Variants in EIPR1 observed in about 807,000 individuals in gnomAD.
EIPR1 encodes EARP complex and GARP complex interacting protein 1.
Under a neutral mutation model 48.1 loss-of-function variants are expected in EIPR1, and 25 were observed. That is an observed-to-expected ratio of 0.52 (90% CI 0.38 to 0.73). The LOEUF (loss-of-function observed/expected upper bound fraction) is 0.73, where lower values mean the gene tolerates loss of function less well. Among genes scored for constraint, EIPR1 ranks in the 30% least tolerant of loss-of-function variants. The pLI is 0.00. For missense variants in EIPR1, 415 were observed against 506.2 expected (o/e 0.82, Z 1.73); for synonymous variants, 204 against 201.9 (o/e 1.01, Z -0.09).
intron 5 of EIPR1, among the ~76,000 whole-genome samples, chr2:3,198,638 A>G (rs893562221): frequency 1.3e-5 from 2 of 152,108 alleles, no homozygotes; most frequent in African/African-American, 4.8e-5. Flanking sequence ...AGAAATTTTA[A>G]AGCTGGGTGT....
intron 3 of EIPR1, among the ~76,000 whole-genome samples, chr2:3,284,058 C>T (rs1262361106): frequency 2.0e-5 from 3 of 152,238 alleles, no homozygotes; most frequent in Admixed American, 6.5e-5. Flanking sequence ...AAGACGCAGG[C>T]CAGGAAGCAG....
intron 5 of EIPR1, among the ~76,000 whole-genome samples, chr2:3,210,787 C>T (rs1247889892): frequency 3.9e-5 from 6 of 152,108 alleles, no homozygotes; most frequent in Non-Finnish European, 5.9e-5. Flanking sequence ...CGTGCCACCA[C>T]GCCTGGCTAA....
chr2:3,343,260 C>G (rs1670304151), intron 2 of EIPR1, among the ~76,000 whole-genome samples: 1 of 152,228 alleles, frequency 6.6e-6, no homozygotes. Context: ...AGTACCTCAA[C>G]TCTCTGTTCT....
intron 1 of EIPR1, among the ~76,000 whole-genome samples, chr2:3,356,741 C>G (rs574606949): frequency 2.2e-4 from 34 of 152,278 alleles, no homozygotes; most frequent in South Asian, 1.0e-3. Flanking sequence ...CTGGCTGTAG[C>G]CCCAGAGAAA....
chr2:3,250,529 G>A (rs951485576), intron 4 of EIPR1, among the ~76,000 whole-genome samples: 2 of 152,184 alleles, frequency 1.3e-5, no homozygotes, highest in African/African-American at 4.8e-5. Flanking sequence ...TAAGACCTTG[G>A]GGGACTACTG....
At chr2:3,373,996 AACCAAAACAGCATGTTACTGGT>A (rs1659786435) in intron 1 of EIPR1, among the ~76,000 whole-genome samples, 1 of 147,030 alleles carries the variant, frequency 6.8e-6, no homozygotes, top group Non-Finnish European at 1.5e-5. Context: ...AGGCTACAGT[AACCAAAACAGCATGTTACTGGT>A]ACCAAAACAG....
In EIPR1 at chr2:3,252,321, C is replaced by T. The variant is rs573827587; in HGVS notation, c.416+4978G>A. 2.0e-5 allele frequency among the ~76,000 whole-genome samples: 3 copies of T among 152,224 alleles called. No individual in the cohort carries two copies. The South Asian group carries it at 6.2e-4, about 32-fold the overall frequency. ...AAACGGCAAAACGGGCCACGTGCAA[C>T]AGCTCACACCTGTAATCTCAGCACT... On this transcript the variant is annotated intron_variant, in intron 4 of 8. Coordinates refer to ENST00000382125, the MANE Select transcript of EIPR1 (RefSeq NM_003310.5).
intron 3 of EIPR1, among the ~76,000 whole-genome samples, chr2:3,282,112 A>G (rs1263723792): frequency 6.6e-6 from 1 of 152,258 alleles, no homozygotes; most frequent in Non-Finnish European, 1.5e-5. Context: ...GAATCCCTGC[A>G]AAGATCAAAT....
chr2:3,280,838 G>A (rs1479446595), intron 3 of EIPR1, among the ~76,000 whole-genome samples: 1 of 152,162 alleles, frequency 6.6e-6, no homozygotes, highest in East Asian at 1.9e-4. Context: ...ATGAGAAGCT[G>A]CATGCCCAGG....
intron 1 of EIPR1, among the ~76,000 whole-genome samples, chr2:3,376,096 G>A (rs779478343): frequency 5.9e-5 from 9 of 151,790 alleles, no homozygotes; most frequent in Non-Finnish European, 1.0e-4. Flanking sequence ...GCAACATGGC[G>A]AAACCCCATT....
chr2:3,208,402 T>C, intron 5 of EIPR1: 2 of 1,435,234 alleles, frequency 1.4e-6, no homozygotes, highest in Non-Finnish European at 1.8e-6. Context: ...CAGCCCCAGA[T>C]CTGGCACTCA....
intron 3 of EIPR1, among the ~76,000 whole-genome samples, chr2:3,290,247 G>C (rs1668325168): frequency 6.6e-6 from 1 of 152,252 alleles, no homozygotes; most frequent in African/African-American, 2.4e-5. Context: ...GCTGCCGGGA[G>C]CAGAATAAGA....
rs539083072 is a variant in EIPR1 at position 3,271,239 on chromosome 2, C to CA, written c.260-13785dup. Among the ~76,000 whole-genome samples, 10 of 152,320 alleles carry CA rather than the reference C, an allele frequency of 6.6e-5. No homozygotes were observed. The South Asian group carries it at 1.2e-3, about 19-fold the overall frequency. On this transcript the variant is annotated intron_variant, in intron 3 of 8. Transcript: ENST00000382125. ...AAGTCTTGAACCCCTCAAAGTCATC[C>CA]ACAAGGGTTAGAGTCAACTTCCCCC...
chr2:3,261,498 ACTG>A (rs2103226496), intron 3 of EIPR1, among the ~76,000 whole-genome samples: 1 of 152,284 alleles, frequency 6.6e-6, no homozygotes, highest in Admixed American at 6.5e-5. Flanking sequence ...GCAGGTGTAC[ACTG>A]CAATGATTAC....
At chr2:3,224,900 C>T (rs1013419936) in intron 4 of EIPR1, among the ~76,000 whole-genome samples, 6 of 152,190 alleles carry the variant, frequency 3.9e-5, no homozygotes, top group Non-Finnish European at 5.9e-5. Flanking sequence ...ATCCCAGCAC[C>T]GGAGCTCCTC....
chr2:3,357,844 T>C (rs1670766083), intron 1 of EIPR1, among the ~76,000 whole-genome samples: 1 of 152,160 alleles, frequency 6.6e-6, no homozygotes, highest in Non-Finnish European at 1.5e-5. Context: ...TGTGGGTGCC[T>C]CTGAAAGTTA....
intron 4 of EIPR1, among the ~76,000 whole-genome samples, chr2:3,247,684 A>C (rs1666874662): frequency 6.6e-6 from 1 of 152,182 alleles, no homozygotes; most frequent in African/African-American, 2.4e-5. Flanking sequence ...ATCAATATGT[A>C]CACTCTACAT....
intron 4 of EIPR1, among the ~76,000 whole-genome samples, chr2:3,218,959 G>A (rs1193642528): frequency 3.5e-5 from 4 of 114,778 alleles, no homozygotes; most frequent in African/African-American, 6.7e-5. Flanking sequence ...TGCACACCCA[G>A]CAGGGCCCTG....
intron 3 of EIPR1, among the ~76,000 whole-genome samples, chr2:3,268,579 C>T (rs966465539): frequency 6.6e-6 from 1 of 152,182 alleles, no homozygotes; most frequent in African/African-American, 2.4e-5. Context: ...TACTAAACTT[C>T]CCTGTTTAAC....
Sources: allele counts gnomAD v4.1 joint callset (sites outside exome capture counted in the v4.1 genomes callset), GRCh38; gene constraint gnomAD v4.1.1; transcripts MANE v1.5; gene names NCBI Gene and HGNC (gene_info 2026-07-23, HGNC 2026-07-21).